Variants in LRBA observed in about 807,000 individuals in gnomAD.
LRBA encodes the protein LPS responsive beige-like anchor protein, also known as lipopolysaccharide-responsive and beige-like anchor protein.
LRBA carries 176 observed loss-of-function variants against 330.0 expected under a neutral mutation model. The ratio of observed to expected loss-of-function variants is 0.53; its 90% CI spans 0.47 to 0.60. The LOEUF is 0.60. Ranked by LOEUF, LRBA falls within the 20% of genes least tolerant of loss-of-function variation. The pLI is 0.00. For synonymous variants in LRBA, 1,230 were observed against 1,193.0 expected, an observed-to-expected ratio of 1.03 and a Z score of -0.64; for missense variants, 3,259 against 3,444.8, an observed-to-expected ratio of 0.95 and a Z score of 1.35.
chr4:150,737,502 A>C (rs1161812668), intron 35 of LRBA, among the ~76,000 whole-genome samples: 2 of 138,798 alleles, frequency 1.4e-5, no homozygotes. Flanking sequence ...AAAAAGAGAG[A>C]GAGAGAAAGG....
chr4:150,851,764 A>AT, intron 23 of LRBA, 121 bp downstream of exon 23: 1 of 1,001,586 alleles, frequency 1.0e-6, no homozygotes, highest in Non-Finnish European at 1.4e-6. Flanking sequence ...CATTCATTGC[A>AT]TTTATTTAGT....
chr4:150,701,302 AT>A (rs943520697), intron 36 of LRBA, among the ~76,000 whole-genome samples: 7 of 151,434 alleles, frequency 4.6e-5, no homozygotes, highest in Admixed American at 4.6e-4. Flanking sequence ...TACAGTTAAC[AT>A]TTTTTTTTAA....
chr4:150,582,542 G>C (rs1004171114), intron 40 of LRBA: 4 of 160,604 alleles, frequency 2.5e-5, no homozygotes, highest in Non-Finnish European at 5.5e-5. Flanking sequence ...GCGTGGAAGA[G>C]AAGTTTAAGA....
At chr4:150,567,166 A>G (rs1769243482) in intron 40 of LRBA, among the ~76,000 whole-genome samples, 1 of 152,130 alleles carries the variant, frequency 6.6e-6, no homozygotes, top group South Asian at 2.1e-4. Flanking sequence ...AAACTTACCT[A>G]AAATGATAAT....
chr4:150,736,457 T>A (rs1010988064), intron 35 of LRBA, among the ~76,000 whole-genome samples: 16 of 151,358 alleles, frequency 1.1e-4, no homozygotes, highest in African/African-American at 3.2e-4. Context: ...TGAAAAAAAA[T>A]AAATAAATAT....
At chr4:150,754,848 G>A (rs1164032017) in intron 35 of LRBA, among the ~76,000 whole-genome samples, 1 of 152,042 alleles carries the variant, frequency 6.6e-6, no homozygotes, top group Non-Finnish European at 1.5e-5. Context: ...AAAGCACATG[G>A]CTCTTTAAGT....
intron 2 of LRBA, among the ~76,000 whole-genome samples, chr4:150,933,780 G>A (rs942629357): frequency 2.0e-5 from 3 of 152,088 alleles, no homozygotes; most frequent in African/African-American, 7.2e-5. Context: ...GGGAAACCGA[G>A]AGAGCAGATC....
At chr4:150,435,468 A>G in intron 46 of LRBA, 121 bp downstream of exon 46, 2 of 833,100 alleles carry the variant, frequency 2.4e-6, no homozygotes, top group Non-Finnish European at 3.7e-6. Flanking sequence ...TTAATTAAGG[A>G]CTTATCTTCT....
chr4:150,914,136 C>T (rs1732311931), intron 9 of LRBA, 59 bp downstream of exon 9: 3 of 1,394,268 alleles, frequency 2.2e-6, no homozygotes, highest in Non-Finnish European at 2.9e-6. Context: ...CCATGTATAA[C>T]CCACCTTCAA....
At chr4:150,828,922 GGTGTGTGT>G (rs753950457) in intron 29 of LRBA, among the ~76,000 whole-genome samples, 3 of 106,176 alleles carry the variant, frequency 2.8e-5, no homozygotes, top group African/African-American at 1.4e-4. Flanking sequence ...CTTTTTTGGG[GGTGTGTGT>G]GTGTGTGTGT....
chr4:150,803,101 CACACACACATATAT>C (rs1741967173), intron 33 of LRBA, among the ~76,000 whole-genome samples: 2 of 146,704 alleles, frequency 1.4e-5, no homozygotes, highest in Admixed American at 1.4e-4. Flanking sequence ...CACACACACA[CACACACACATATAT>C]ACACACACAA....
In LRBA at chr4:150,905,968, C is replaced by T; in HGVS notation, c.1625G>A (p.Arg542Lys). The change falls in exon 13 of 57, where the codon AGA (arginine) becomes AAA (lysine). Residue 542 changes from arginine (R) to lysine (K), a missense_variant. Physicochemically the swap from Arg to Lys is conservative, Grantham distance 26. Coordinates refer to ENST00000651943, the MANE Select transcript of LRBA (RefSeq NM_001364905.1). Reference sequence around the variant, plus strand: ...TGCAAGGCAAAGTTCAAGTACTGCTCTGCTAACATGAGATTTGGAAGACTG... The same window carrying T: ...TGCAAGGCAAAGTTCAAGTACTGCTTTGCTAACATGAGATTTGGAAGACTG... ...LEKSSKSHVS[R>K]AVLELCLAFS... 1 of 1,613,546 alleles carries T rather than the reference C, an allele frequency of 6.2e-7. No individual in the cohort carries two copies.
chr4:150,973,356 G>A (rs894669518), intron 2 of LRBA, among the ~76,000 whole-genome samples: 17 of 152,034 alleles, frequency 1.1e-4, no homozygotes, highest in African/African-American at 3.9e-4. Context: ...TAGTAGAGAC[G>A]GGGTTTCTCC....
At position 150,409,999 on chromosome 4, in the gene LRBA, C is replaced by T. The variant is rs146575973; in HGVS notation, c.7194+5439G>A. 6.4e-4 allele frequency among the ~76,000 whole-genome samples: 98 copies of T among 152,184 alleles called. No homozygotes were observed. In the East Asian group the frequency reaches 0.016, roughly 25 times the overall value. On this transcript the variant is annotated intron_variant, in intron 47 of 56. Coordinates refer to ENST00000651943, the MANE Select transcript of LRBA (RefSeq NM_001364905.1). ...TGCAGCCACCACGGCTGTTTACATT[C>T]TTGGCCACATCATTATCAATATGGG...
At chr4:150,528,343 C>CA (rs144716284) in intron 40 of LRBA, among the ~76,000 whole-genome samples, 5 of 151,472 alleles carry the variant, frequency 3.3e-5, no homozygotes, top group South Asian at 2.1e-4. Context: ...ACTAAAAATA[C>CA]AAAAAAAATT....
At chr4:150,468,209 CATT>C (rs1235553126) in intron 43 of LRBA, among the ~76,000 whole-genome samples, 1 of 152,008 alleles carries the variant, frequency 6.6e-6, no homozygotes, top group African/African-American at 2.4e-5. Flanking sequence ...CTTTCTCTGC[CATT>C]AATAATCAAC....
intron 37 of LRBA, among the ~76,000 whole-genome samples, chr4:150,642,052 A>T (rs76918026): frequency 6.6e-6 from 1 of 152,040 alleles, no homozygotes; most frequent in Non-Finnish European, 1.5e-5. Flanking sequence ...TACTAATACA[A>T]TTAATACAGT....
At chr4:150,865,717 C>CT (rs779221199) in intron 22 of LRBA, among the ~76,000 whole-genome samples, 17,109 of 134,518 alleles carry the variant, frequency 0.13, 2,202 homozygotes, top group African/African-American at 0.34. Context: ...GCAATATATT[C>CT]TTTTTTTTTT....
intron 46 of LRBA, among the ~76,000 whole-genome samples, chr4:150,432,663 T>C (rs1335188363): frequency 3.3e-5 from 5 of 151,836 alleles, no homozygotes; most frequent in African/African-American, 1.2e-4. Context: ...GTCAGGATGG[T>C]CTCGATCTCC....
Sources: allele counts gnomAD v4.1 joint callset (sites outside exome capture counted in the v4.1 genomes callset), GRCh38; gene constraint gnomAD v4.1.1; transcripts MANE v1.5; gene names NCBI Gene and HGNC (gene_info 2026-07-23, HGNC 2026-07-21).